SGCD: variants seen among roughly 807,000 people sequenced by gnomAD.
SGCD encodes sarcoglycan delta.
A neutral mutation model predicts 36.6 loss-of-function variants in SGCD; 18 were observed. The ratio of observed to expected loss-of-function variants is 0.49; its 90% CI spans 0.34 to 0.73. The LOEUF is 0.73. SGCD is among the 30% of genes least tolerant of loss of function. SGCD has a pLI of 0.01. For synonymous variants in SGCD, 133 were observed against 130.6 expected (o/e 1.02, Z -0.12); for missense variants, 387 against 346.7 (o/e 1.12, Z -0.92).
intron 1 of SGCD, among the ~76,000 whole-genome samples, chr5:155,892,759 T>C (rs1245198269): frequency 6.6e-6 from 1 of 152,256 alleles, no homozygotes; most frequent in African/African-American, 2.4e-5. Context: ...ATTCTTTTTA[T>C]GGCTGAATAG....
intron 4 of SGCD, among the ~76,000 whole-genome samples, chr5:156,533,793 C>G (rs1561760692): frequency 6.6e-6 from 1 of 152,258 alleles, no homozygotes; most frequent in South Asian, 2.1e-4. Flanking sequence ...ATTCTATATT[C>G]AATTTGCCTT....
chr5:155,777,869 G>A, the SGCD span, among the ~76,000 whole-genome samples: 9 of 152,120 alleles, frequency 5.9e-5, no homozygotes, highest in African/African-American at 1.9e-4. Flanking sequence ...AGGCCTTGCA[G>A]GTCCTTGCTG....
intron 1 of SGCD, among the ~76,000 whole-genome samples, chr5:156,106,109 CAAAAAAAAAAA>C (rs1159337817): frequency 2.0e-4 from 7 of 34,938 alleles, no homozygotes; most frequent in East Asian, 1.6e-3. Context: ...GACTCTGCCT[CAAAAAAAAAAA>C]AAAAAAAAAA....
At chr5:155,931,464 C>A (rs1300100105) in intron 1 of SGCD, among the ~76,000 whole-genome samples, 2 of 152,084 alleles carry the variant, frequency 1.3e-5, no homozygotes, top group East Asian at 3.9e-4. Flanking sequence ...ATTGCAAATC[C>A]TTTGCAGTTA....
the SGCD span, among the ~76,000 whole-genome samples, chr5:155,835,002 A>AGTTTTTTTTTTTTTTTTTTTTTTTTTTTT: frequency 1.7e-5 from 1 of 60,184 alleles, no homozygotes; most frequent in African/African-American, 5.8e-5. Context: ...TGCCCAGCTA[A>AGTTTTTTTTTTTTTTTTTTTTTTTTTTTT]TTTTTTTTTT....
chr5:156,181,526 C>T (rs991917264), intron 3 of SGCD, among the ~76,000 whole-genome samples: 3 of 152,166 alleles, frequency 2.0e-5, no homozygotes, highest in African/African-American at 7.2e-5. Flanking sequence ...ATAGGGAGAA[C>T]TCCCCATTCC....
chr5:155,779,919 A>T, the SGCD span, among the ~76,000 whole-genome samples: 16 of 152,262 alleles, frequency 1.1e-4, no homozygotes, highest in Admixed American at 6.5e-4. Context: ...GTACTTTCTC[A>T]TATCTACTGG....
the SGCD span, among the ~76,000 whole-genome samples, chr5:155,789,650 CTTAAAG>C: frequency 6.6e-6 from 1 of 152,164 alleles, no homozygotes; most frequent in Non-Finnish European, 1.5e-5. Context: ...AAAAATGCCT[CTTAAAG>C]TTATACAAAT....
intron 3 of SGCD, among the ~76,000 whole-genome samples, chr5:156,495,677 T>TA (rs1756152039): frequency 7.2e-5 from 11 of 152,206 alleles, no homozygotes. Context: ...GGTAGGAATT[T>TA]AATCTGAACA....
the SGCD span, among the ~76,000 whole-genome samples, chr5:155,747,138 A>T: frequency 2.6e-5 from 4 of 152,350 alleles, no homozygotes; most frequent in African/African-American, 9.6e-5. Context: ...GATAAAAACA[A>T]TACTACTTTT....
At chr5:156,649,992 C>T (rs767306533) in intron 7 of SGCD, among the ~76,000 whole-genome samples, 3 of 151,920 alleles carry the variant, frequency 2.0e-5, no homozygotes, top group South Asian at 2.1e-4. Context: ...TGGCTTTAAG[C>T]GGTAAAGTAA....
At chr5:156,386,728 C>T (rs1294038556) in intron 3 of SGCD, among the ~76,000 whole-genome samples, 2 of 152,220 alleles carry the variant, frequency 1.3e-5, no homozygotes, top group Admixed American at 1.3e-4. Flanking sequence ...TTTAGAGCTT[C>T]GGAGCACTCC....
chr5:156,073,942 G>T (rs1760680557), intron 1 of SGCD, among the ~76,000 whole-genome samples: 1 of 152,176 alleles, frequency 6.6e-6, no homozygotes, highest in Non-Finnish European at 1.5e-5. Flanking sequence ...GTGGAGAGGA[G>T]CCATTTCATG....
At position 156,453,247 on chromosome 5, in the gene SGCD, AG is replaced by A. The variant is rs1183451734; in HGVS notation, c.193-55352del. ...AGCACTGTCACATGGAAGAGGAAAC[AG>A]GATTGACTTGTCCCGCTAGTGTAGA... On this transcript the variant is annotated intron_variant, in intron 3 of 8. Coordinates refer to ENST00000337851, the MANE Select transcript of SGCD (RefSeq NM_000337.6). Among the ~76,000 whole-genome samples, 8 of 152,306 alleles carry A rather than the reference AG, an allele frequency of 5.3e-5. No individual in the cohort carries two copies. The East Asian group carries it at 1.5e-3, about 29-fold the overall frequency.
intron 1 of SGCD, among the ~76,000 whole-genome samples, chr5:155,937,035 C>T (rs1757221409): frequency 6.6e-6 from 1 of 152,140 alleles, no homozygotes; most frequent in South Asian, 2.1e-4. Context: ...ACAGGGGTAG[C>T]AGACACGTCC....
intron 1 of SGCD, among the ~76,000 whole-genome samples, chr5:156,048,753 T>C (rs1457574435): frequency 2.0e-5 from 3 of 152,028 alleles, no homozygotes; most frequent in Non-Finnish European, 4.4e-5. Flanking sequence ...GATTGCAAAA[T>C]TTTTCTCCCA....
chr5:155,818,994 CAT>C, the SGCD span, among the ~76,000 whole-genome samples: 1 of 151,800 alleles, frequency 6.6e-6, no homozygotes, highest in African/African-American at 2.4e-5. Flanking sequence ...GAAAGAGTAA[CAT>C]ATGAGAAAGA....
intron 3 of SGCD, among the ~76,000 whole-genome samples, chr5:156,283,970 A>G (rs527745911): frequency 6.6e-6 from 1 of 152,270 alleles, no homozygotes; most frequent in African/African-American, 2.4e-5. Flanking sequence ...GCTTTCTTGA[A>G]TTGTTAATTT....
chr5:156,643,224 A>T (rs1377047276), intron 6 of SGCD, among the ~76,000 whole-genome samples: 1 of 151,624 alleles, frequency 6.6e-6, no homozygotes, highest in Admixed American at 6.6e-5. Flanking sequence ...TAGAGATGGG[A>T]TTTCTCCATG....
Sources: allele counts gnomAD v4.1 joint callset (sites outside exome capture counted in the v4.1 genomes callset), GRCh38; gene constraint gnomAD v4.1.1; transcripts MANE v1.5; gene names NCBI Gene and HGNC (gene_info 2026-07-23, HGNC 2026-07-21).